Variants in TMEM201 observed in about 807,000 individuals in gnomAD.
TMEM201 encodes RP13-15M17.2.
Under a neutral mutation model 63.4 loss-of-function variants are expected in TMEM201, and 26 were observed. The ratio of observed to expected loss-of-function variants is 0.41; its 90% CI spans 0.30 to 0.57. TMEM201 has a LOEUF of 0.57. TMEM201 is among the 20% of genes least tolerant of loss of function. The pLI, the probability that TMEM201 is intolerant of heterozygous loss-of-function variation, is 0.29. For missense variants in TMEM201, 794 were observed against 917.7 expected (o/e 0.87, Z 1.74); for synonymous variants, 417 against 421.6 (o/e 0.99, Z 0.14).
At chr1:9,600,278 G>C (rs1041563679) in intron 4 of TMEM201, among the ~76,000 whole-genome samples, 3 of 152,192 alleles carry the variant, frequency 2.0e-5, no homozygotes, top group Non-Finnish European at 4.4e-5. Context: ...GTTTTAGCCA[G>C]ATGGTCTTGG....
In TMEM201 at chr1:9,607,920, C is replaced by T; in HGVS notation, c.1393+131C>T. The T allele has an allele frequency of 1.1e-6, 1 of 879,624 alleles. No homozygotes were observed. Among genetic ancestry groups the T allele is most frequent in the Non-Finnish European group, 1.7e-6 (1 of 589,608 alleles). The allele number at this position is 879,624 out of a possible 1,614,324, so 54.5% of individuals were successfully genotyped here. ...TGCTGCAGAGACAGGCAGCACAGAG[C>T]TTTGAGCCTCAGTTCCCCCCAAAGA... On this transcript the variant is annotated intron_variant, in intron 7 of 10. Transcript: ENST00000340381. The surrounding 1 kb of genome is among the most constrained non-coding windows in gnomAD (Gnocchi z 5.4).
intron 4 of TMEM201, 110 bp downstream of exon 4, chr1:9,598,735 C>A: frequency 9.5e-7 from 1 of 1,056,610 alleles, no homozygotes; most frequent in Non-Finnish European, 1.3e-6. Context: ...GAGCTGAGCC[C>A]CTTTATTTTT....
At chr1:9,600,247 T>C (rs1644110690) in intron 4 of TMEM201, among the ~76,000 whole-genome samples, 1 of 152,164 alleles carries the variant, frequency 6.6e-6, no homozygotes, top group South Asian at 2.1e-4. Context: ...TTCTATCAAC[T>C]GAGTACTATG....
rs570320829 is a variant in TMEM201, at chr1:9,602,931, C to G, written c.1160+659C>G. On this transcript the variant is annotated intron_variant, in intron 6 of 10. Transcript: ENST00000340381. Reference sequence around the variant, plus strand: ...CTTGGCCTCCTGCTCCAAGACCCTCCCGAGTCCCCGGAAATGGAGAGTGCA... The same window carrying G: ...CTTGGCCTCCTGCTCCAAGACCCTCGCGAGTCCCCGGAAATGGAGAGTGCA... 21 of 985,576 alleles carry G rather than the reference C, an allele frequency of 2.1e-5. No individual in the cohort carries two copies. In the East Asian group the frequency reaches 4.5e-4, roughly 21 times the overall value. 61.1% of individuals were successfully genotyped at this position (985,576 alleles called of 1,614,324 possible).
chr1:9,600,408 C>G (rs533459249), intron 4 of TMEM201, among the ~76,000 whole-genome samples: 1 of 152,246 alleles, frequency 6.6e-6, no homozygotes, highest in African/African-American at 2.4e-5. Context: ...CTTAGGAGTG[C>G]ACCACCAAGG....
chr1:9,611,347 G>A (rs1057074015), intron 9 of TMEM201, among the ~76,000 whole-genome samples: 5 of 152,044 alleles, frequency 3.3e-5, no homozygotes, highest in Admixed American at 2.0e-4. Context: ...ACAGGTGCGC[G>A]CCACCATGCC....
At position 9,607,429 on chromosome 1, in the gene TMEM201, G is replaced by A. The variant is rs1004989436; in HGVS notation, c.1161-128G>A. 5 of 677,046 alleles carry A rather than the reference G, an allele frequency of 7.4e-6. No individual in the cohort carries two copies. The highest frequency in any genetic ancestry group is 3.6e-5 in the African/African-American group (2 of 54,948). The allele number at this position is 677,046 out of a possible 1,614,324, so 41.9% of individuals were successfully genotyped here. A position where few individuals can be genotyped will look rare whatever the true frequency, so the allele number is the denominator to read the frequency against. On this transcript the variant is annotated intron_variant, in intron 6 of 10. Transcript: ENST00000340381. The surrounding 1 kb of genome is among the most constrained non-coding windows in gnomAD (Gnocchi z 5.4). ...TGCTTTTCTGCTTTAACTAACGCAC[G>A]CCTCCTCTGGGACCCCAGCTGAGGC...
chr1:9,612,948 C>T, intron 10 of TMEM201, 38 bp from the exon 11 acceptor site: 4 of 1,539,280 alleles, frequency 2.6e-6, no homozygotes, highest in Non-Finnish European at 3.5e-6. Context: ...CGAACCCACC[C>T]ACCCAAACAA....
rs568551071 is a variant in TMEM201 at position 9,604,232 on chromosome 1, C to T, written c.1160+1960C>T. On this transcript the variant is annotated intron_variant, in intron 6 of 10. Coordinates refer to ENST00000340381, the MANE Select transcript of TMEM201 (RefSeq NM_001130924.3). This position sits in a 1 kb window ranked among gnomAD's most constrained non-coding sequence, Gnocchi z 4.1. The stretch of plus-strand genomic sequence containing the variant: ...GAAGCAGGACATCTGTGTGTATGTG[C>T]GTATTTAAATTAGATTATTTATAAT... 35 of 985,382 alleles carry T rather than the reference C, an allele frequency of 3.6e-5. No homozygotes were observed. In the East Asian group the frequency reaches 2.7e-3, roughly 77 times the overall value. The allele number at this position is 985,382 out of a possible 1,614,324, so 61.0% of individuals were successfully genotyped here.
intron 10 of TMEM201, 48 bp downstream of exon 10, chr1:9,611,938 A>G: frequency 2.0e-6 from 3 of 1,493,788 alleles, no homozygotes; most frequent in Non-Finnish European, 2.7e-6. Context: ...ACACATCCGA[A>G]GCCACCATCT....
At chr1:9,606,845 G>A (rs1033138600) in intron 6 of TMEM201, among the ~76,000 whole-genome samples, 14 of 152,230 alleles carry the variant, frequency 9.2e-5, no homozygotes, top group East Asian at 5.8e-4. Flanking sequence ...CCTTGCGGTC[G>A]TGGATGGGTC....
chr1:9,591,833 A>G (rs998442920), intron 1 of TMEM201, among the ~76,000 whole-genome samples: 1 of 152,180 alleles, frequency 6.6e-6, no homozygotes, highest in East Asian at 1.9e-4. Context: ...CACCCCGGGC[A>G]TACGTTGGGT....
rs1363955203 is a variant in TMEM201 at position 9,610,657 on chromosome 1, G to A, written c.1617G>A (p.Lys539=). Residue 539 remains lysine, a synonymous_variant, in exon 9 of 11, where the codon AAG becomes AAA. Coordinates refer to ENST00000340381, the MANE Select transcript of TMEM201 (RefSeq NM_001130924.3). This position sits in a 1 kb window ranked among gnomAD's most constrained non-coding sequence, Gnocchi z 4.9. The part of the protein sequence containing the change: ...SPARLNLKGQ[K]LLLFPSPPGE... Reference sequence around the variant, plus strand: ...CCCGGCTCAACCTGAAGGGACAGAAGCTGCTGCTGTTCCCGTCACCCCCTG... The same window carrying A: ...CCCGGCTCAACCTGAAGGGACAGAAACTGCTGCTGTTCCCGTCACCCCCTG... 2.6e-6 allele frequency: 4 copies of A among 1,550,664 alleles called. No individual in the cohort carries two copies. The highest frequency in any genetic ancestry group is 2.6e-6 in the Non-Finnish European group (3 of 1,146,922).
chr1:9,611,893 C>T lies in TMEM201; in HGVS notation c.1903+3C>T, dbSNP rs1465436582. 7.1e-6 allele frequency: 11 copies of T among 1,544,388 alleles called. No homozygotes were observed. The highest frequency in any genetic ancestry group is 1.4e-5 in the African/African-American group (1 of 72,836). The stretch of plus-strand genomic sequence containing the variant: ...GGAGGAGGCCGCCACCTGGAGAGGT[C>T]TGTACCCTGAGGTGCGGGAGGGGAG... On this transcript the variant is annotated splice_donor_region_variant and intron_variant, in intron 10 of 10. Coordinates refer to ENST00000340381, the MANE Select transcript of TMEM201 (RefSeq NM_001130924.3).
At chr1:9,597,127 T>G in intron 3 of TMEM201, 74 bp downstream of exon 3, 1 of 1,495,922 alleles carries the variant, frequency 6.7e-7, no homozygotes, top group Non-Finnish European at 9.0e-7. Flanking sequence ...GACAGGCACG[T>G]GCAGGGTGCT....
In TMEM201 at chr1:9,605,162, C is replaced by CT. The variant is rs1442609980; in HGVS notation, c.1161-2393dup. On this transcript the variant is annotated intron_variant, in intron 6 of 10. Coordinates refer to ENST00000340381, the MANE Select transcript of TMEM201 (RefSeq NM_001130924.3). This position sits in a 1 kb window ranked among gnomAD's most constrained non-coding sequence, Gnocchi z 5.7. ...TTTTTTCCGTCTCAATAAACTGTTG[C>CT]TTAAAACGTGGTCTCTCTCCTTCCA... Among the ~76,000 whole-genome samples the CT allele has an allele frequency of 6.6e-6, 1 of 152,202 alleles. No individual in the cohort carries two copies. Among genetic ancestry groups the CT allele is most frequent in the East Asian group, 1.9e-4 (1 of 5,198 alleles).
At chr1:9,612,917 G>T (rs1569968939) in intron 10 of TMEM201, 69 bp from the exon 11 acceptor site, 1 of 1,372,572 alleles carries the variant, frequency 7.3e-7, no homozygotes, top group Admixed American at 2.0e-5. Context: ...GCATGCTCTA[G>T]GGGGCTGCTC....
intron 1 of TMEM201, among the ~76,000 whole-genome samples, chr1:9,592,059 G>C (rs1643931177): frequency 6.6e-6 from 1 of 152,258 alleles, no homozygotes; most frequent in Non-Finnish European, 1.5e-5. Flanking sequence ...AGCGACCCTA[G>C]AATGGTGGAT....
chr1:9,598,657 G>A (rs1010046389), intron 4 of TMEM201, 32 bp downstream of exon 4: 2 of 1,592,502 alleles, frequency 1.3e-6, no homozygotes, highest in South Asian at 1.1e-5. Context: ...GCGGGGGTGG[G>A]GGTGTTGAGT....
Sources: allele counts gnomAD v4.1 joint callset (sites outside exome capture counted in the v4.1 genomes callset), GRCh38; gene constraint gnomAD v4.1.1; non-coding constraint Gnocchi (gnomAD v3.1); transcripts MANE v1.5; gene names NCBI Gene and HGNC (gene_info 2026-07-23, HGNC 2026-07-21).